Variants in FHIT observed in about 807,000 individuals in gnomAD.
FHIT encodes bis(5'-adenosyl)-triphosphatase.
FHIT carries 19 observed loss-of-function variants against 17.9 expected under a neutral mutation model. That is an observed-to-expected ratio of 1.06 (90% CI 0.74 to 1.56). FHIT has a LOEUF of 1.56. Among genes scored for constraint, FHIT ranks in the 40% most tolerant of loss-of-function variants. The pLI is 0.00. For missense variants in FHIT, 248 were observed against 189.2 expected, an observed-to-expected ratio of 1.31 and a Z score of -1.82; for synonymous variants, 81 against 69.7, an observed-to-expected ratio of 1.16 and a Z score of -0.81.
At chr3:60,522,906 T>C (rs1463220864) in intron 5 of FHIT, among the ~76,000 whole-genome samples, 2 of 152,254 alleles carry the variant, frequency 1.3e-5, no homozygotes, top group Middle Eastern at 3.4e-3. Context: ...CAAGACTGGG[T>C]AATTTATAAA....
intron 3 of FHIT, among the ~76,000 whole-genome samples, chr3:60,873,045 G>T (rs936257489): frequency 2.0e-5 from 3 of 152,056 alleles, no homozygotes; most frequent in Admixed American, 6.6e-5. Flanking sequence ...TCTGAATGAT[G>T]AAAAAACTTG....
intron 5 of FHIT, among the ~76,000 whole-genome samples, chr3:60,402,482 C>T (rs78020881): frequency 2.0e-5 from 3 of 152,118 alleles, no homozygotes; most frequent in African/African-American, 7.2e-5. Flanking sequence ...AGATAGTGTC[C>T]TTTAAAGAGT....
At chr3:61,046,288 T>TA (rs1443973335) in intron 2 of FHIT, among the ~76,000 whole-genome samples, 2 of 151,752 alleles carry the variant, frequency 1.3e-5, no homozygotes, top group South Asian at 2.1e-4. Context: ...ATAGACACAA[T>TA]AAAAAATGAT....
chr3:60,573,822 T>G (rs2037471692), intron 4 of FHIT, among the ~76,000 whole-genome samples: 3 of 151,578 alleles, frequency 2.0e-5, no homozygotes, highest in Non-Finnish European at 2.9e-5. Flanking sequence ...TTTTTTTTTA[T>G]TTTTCGAGAT....
At chr3:60,395,809 T>C (rs1216313341) in intron 5 of FHIT, among the ~76,000 whole-genome samples, 3 of 152,198 alleles carry the variant, frequency 2.0e-5, no homozygotes, top group Admixed American at 6.5e-5. Context: ...GAATTCTGAT[T>C]TGACATTCAT....
At chr3:61,110,651 G>A (rs1296276190) in intron 2 of FHIT, among the ~76,000 whole-genome samples, 1 of 152,096 alleles carries the variant, frequency 6.6e-6, no homozygotes, top group Non-Finnish European at 1.5e-5. Context: ...GCCCAGAGCA[G>A]GCTGACCAAC....
intron 4 of FHIT, among the ~76,000 whole-genome samples, chr3:60,633,020 G>A (rs1259423703): frequency 5.3e-5 from 8 of 152,184 alleles, no homozygotes; most frequent in Admixed American, 4.6e-4. Flanking sequence ...ATGGGAGAGT[G>A]TAAGAAGAAC....
At chr3:60,889,001 C>T (rs1425376695) in intron 3 of FHIT, among the ~76,000 whole-genome samples, 2 of 152,148 alleles carry the variant, frequency 1.3e-5, no homozygotes, top group African/African-American at 2.4e-5. Flanking sequence ...TACTTTTAAA[C>T]TTAACTTCCT....
chr3:60,930,551 G>A (rs1490544608), intron 3 of FHIT, among the ~76,000 whole-genome samples: 3 of 152,134 alleles, frequency 2.0e-5, no homozygotes, highest in Admixed American at 1.3e-4. Flanking sequence ...AAAAGTGGGT[G>A]AAGGATATGA....
intron 7 of FHIT, among the ~76,000 whole-genome samples, chr3:59,987,200 A>T (rs950025499): frequency 2.7e-5 from 4 of 145,976 alleles, no homozygotes; most frequent in African/African-American, 9.9e-5. Flanking sequence ...AGGAAATCCT[A>T]TATATATTTA....
chr3:60,331,817 G>C (rs893755277), intron 5 of FHIT, among the ~76,000 whole-genome samples: 2 of 149,990 alleles, frequency 1.3e-5, no homozygotes, highest in Non-Finnish European at 3.0e-5. Context: ...TTGCACTCCA[G>C]CCTGGGCAAC....
intron 5 of FHIT, among the ~76,000 whole-genome samples, chr3:60,453,391 T>C (rs756533590): frequency 6.6e-6 from 1 of 152,164 alleles, no homozygotes; most frequent in Non-Finnish European, 1.5e-5. Context: ...TTTTTCAGCA[T>C]ACACTCTCCA....
chr3:60,324,449 G>A (rs905205019), intron 5 of FHIT, among the ~76,000 whole-genome samples: 1 of 152,092 alleles, frequency 6.6e-6, no homozygotes, highest in Admixed American at 6.5e-5. Flanking sequence ...GCCGGGCGTG[G>A]TGGCGGGTGC....
intron 5 of FHIT, among the ~76,000 whole-genome samples, chr3:60,115,181 C>T (rs1704900168): frequency 6.6e-6 from 1 of 151,782 alleles, no homozygotes; most frequent in South Asian, 2.1e-4. Context: ...ACATAACGCC[C>T]CAGAAAATTA....
intron 5 of FHIT, among the ~76,000 whole-genome samples, chr3:60,355,013 A>G (rs1464492013): frequency 6.6e-6 from 1 of 152,202 alleles, no homozygotes; most frequent in Non-Finnish European, 1.5e-5. Flanking sequence ...AAAGAATCCT[A>G]AAACATAAAT....
intron 5 of FHIT, among the ~76,000 whole-genome samples, chr3:60,336,776 G>A (rs1474501609): frequency 6.6e-6 from 1 of 151,822 alleles, no homozygotes; most frequent in Non-Finnish European, 1.5e-5. Flanking sequence ...CATACAGTAA[G>A]TTAGCAATTC....
intron 8 of FHIT, among the ~76,000 whole-genome samples, chr3:59,808,438 T>C (rs1488273951): frequency 1.3e-5 from 2 of 152,114 alleles, no homozygotes; most frequent in Non-Finnish European, 2.9e-5. Flanking sequence ...TATCTCCCTT[T>C]TTCCCCACAA....
chr3:59,891,542 T>G (rs751055879), intron 8 of FHIT, among the ~76,000 whole-genome samples: 8 of 152,030 alleles, frequency 5.3e-5, no homozygotes, highest in Admixed American at 2.0e-4. Flanking sequence ...GGACAAAAAT[T>G]TAAGAGTTCC....
chr3:61,139,276 G>A (rs1256473630), intron 2 of FHIT, among the ~76,000 whole-genome samples: 7 of 152,018 alleles, frequency 4.6e-5, no homozygotes, highest in African/African-American at 9.7e-5. Context: ...TGATCTGCCC[G>A]CCTCGGCCTC....
Sources: gnomAD v4.1 joint callset for allele counts (sites outside exome capture counted in the v4.1 genomes callset) on GRCh38, gnomAD v4.1.1 for gene constraint, MANE v1.5 for transcripts, NCBI Gene and HGNC (gene_info 2026-07-23, HGNC 2026-07-21) for gene names.